The following ZNF577 variants were observed in gnomAD, a reference collection of about 807,000 sequenced individuals.
ZNF577 encodes the protein zinc finger protein 577.
In ZNF577, 14 loss-of-function variants were observed where a neutral mutation model predicts 13.9. The observed-to-expected ratio is 1.00, with a 90% confidence interval of 0.66 to 1.57. The LOEUF is 1.57. Ranked by LOEUF, ZNF577 falls within the 40% of genes most tolerant of loss-of-function variation. The probability of loss-of-function intolerance (pLI) is 0.00; values close to 1 mark genes in which losing one functional copy is unlikely to be tolerated. For synonymous variants in ZNF577, 203 were observed against 202.9 expected (o/e 1.00, Z 0.00); for missense variants, 555 against 579.2 (o/e 0.96, Z 0.43).
In ZNF577 at chr19:51,824,819, A is replaced by G. The variant is rs1402539234; in HGVS notation, c.*600-13145T>C. On this transcript the variant is annotated intron_variant and NMD_transcript_variant, in intron 9 of 10. Transcript: ENST00000638827. The surrounding 1 kb of genome is among the most constrained non-coding windows in gnomAD (Gnocchi z 4.7). ...AGTTACAAGCAATGTGAGGTCGGGG[A>G]TATTTTTGGGCTCTGTCTCTTTCTA... The G allele has an allele frequency of 6.3e-6, 10 of 1,595,324 alleles. No homozygotes were observed. Among genetic ancestry groups the G allele is most frequent in the East Asian group, 2.3e-5 (1 of 44,294 alleles).
At chr19:51,829,683 A>T (rs1020230447) in intron 9 of ZNF577, among the ~76,000 whole-genome samples, 3 of 152,236 alleles carry the variant, frequency 2.0e-5, no homozygotes, top group Non-Finnish European at 1.5e-5. Flanking sequence ...GTCAGAAAAG[A>T]TGATAAAATG....
intron 5 of ZNF577, among the ~76,000 whole-genome samples, chr19:51,848,986 TTTTTG>T (rs2084367665): frequency 6.6e-6 from 1 of 152,242 alleles, no homozygotes; most frequent in South Asian, 2.1e-4. Context: ...CTAAACCATT[TTTTTG>T]TTTTAATATT....
intron 10 of ZNF577, among the ~76,000 whole-genome samples, chr19:51,810,762 G>A (rs1379643327): frequency 2.0e-5 from 3 of 152,112 alleles, no homozygotes; most frequent in Non-Finnish European, 2.9e-5. Context: ...AAGGTCAACC[G>A]GCTCTGTATG....
At chr19:51,856,145 C>T (rs986240337) in intron 5 of ZNF577, among the ~76,000 whole-genome samples, 20 of 152,276 alleles carry the variant, frequency 1.3e-4, no homozygotes, top group East Asian at 1.2e-3. Context: ...AGGATGGATA[C>T]GCAGAGGCCT....
chr19:51,846,018 ATT>A (rs373565584), intron 5 of ZNF577, among the ~76,000 whole-genome samples: 5 of 143,834 alleles, frequency 3.5e-5, no homozygotes, highest in Admixed American at 6.9e-5. Flanking sequence ...TGGTGGTTCT[ATT>A]TTTTTTTTTT....
At chr19:51,832,236 G>T (rs1038472754) in intron 9 of ZNF577, among the ~76,000 whole-genome samples, 1 of 152,152 alleles carries the variant, frequency 6.6e-6, no homozygotes, top group Non-Finnish European at 1.5e-5. Context: ...AGCAGAGTTT[G>T]TTAAGCCTGA....
At chr19:51,857,426 G>GAAAGAA (rs1555745840) in intron 5 of ZNF577, among the ~76,000 whole-genome samples, 3,469 of 95,120 alleles carry the variant, frequency 0.036, 63 homozygotes, top group South Asian at 0.065. Context: ...AAGAAAGAAA[G>GAAAGAA]AAAAGAAAAA....
chr19:51,815,917 A>G (rs992111300), intron 9 of ZNF577, among the ~76,000 whole-genome samples: 1 of 151,910 alleles, frequency 6.6e-6, no homozygotes, highest in African/African-American at 2.4e-5. Context: ...AAGAAAAGAA[A>G]TTAGCCAGGC....
intron 4 of ZNF577, chr19:51,877,821 C>G (rs112717838): frequency 0.013 from 2,115 of 158,226 alleles, 46 homozygotes; most frequent in African/African-American, 0.048. Context: ...ATATTCATAG[C>G]AACATGATTC....
Position 51,872,455 on chromosome 19 carries a change from C to T in ZNF577, c.*77G>A. On this transcript the variant is annotated 3_prime_UTR_variant, in exon 6 of 6. Coordinates refer to ENST00000638348, the MANE Select transcript of ZNF577 (RefSeq NM_001370449.1). ...ACCACTGCCTCCACAGTGTTTCAGCCCTAAATGAGCTCTCTGGGATATAAT... is the reference window on the plus strand; with the variant it reads ...ACCACTGCCTCCACAGTGTTTCAGCTCTAAATGAGCTCTCTGGGATATAAT... 1 of 1,254,978 alleles carries T rather than the reference C, an allele frequency of 8.0e-7. No homozygotes were observed. The highest frequency in any genetic ancestry group is 1.1e-6 in the Non-Finnish European group (1 of 929,792). The allele number at this position is 1,254,978 out of a possible 1,614,324, so 77.7% of individuals were successfully genotyped here.
intron 5 of ZNF577, among the ~76,000 whole-genome samples, chr19:51,852,948 T>TTTTA (rs2084386745): frequency 2.0e-5 from 3 of 151,730 alleles, no homozygotes; most frequent in Admixed American, 6.6e-5. Flanking sequence ...TTTTTTTCTT[T>TTTTA]GAGACAGGGT....
At chr19:51,855,575 C>T (rs1568441477) in intron 5 of ZNF577, among the ~76,000 whole-genome samples, 1 of 152,058 alleles carries the variant, frequency 6.6e-6, no homozygotes, top group African/African-American at 2.4e-5. Flanking sequence ...AGGAATATGT[C>T]AGAGTATTTA....
intron 5 of ZNF577, among the ~76,000 whole-genome samples, chr19:51,876,874 GC>G (rs1200297607): frequency 2.7e-5 from 4 of 149,750 alleles, no homozygotes; most frequent in African/African-American, 9.9e-5. Context: ...GTTGCAGTGA[GC>G]CAAGATCACA....
At position 51,873,539 on chromosome 19, in the gene ZNF577, T is replaced by A. The variant is rs914784250; in HGVS notation, c.451A>T (p.Ile151Phe). ...TCATGTGGTTTCCCTCCTGCACAAA[T>A]TTTTTGTAGGTCATTGAGCTGTGAT... ...PKSQLNDLQK[I>F]CAGGKPHECS... Residue 151 changes from isoleucine (I) to phenylalanine (F), a missense_variant, in exon 6 of 6, where the codon ATT becomes TTT. Transcript: ENST00000638348. 6.2e-7 allele frequency: 1 copy of A among 1,614,214 alleles called. No individual in the cohort carries two copies. The highest frequency in any genetic ancestry group is 8.5e-7 in the Non-Finnish European group (1 of 1,180,034).
Position 51,867,755 on chromosome 19 carries a change from A to G in ZNF577, c.*4777T>C, listed in dbSNP as rs2084588704. ...ACCCACGATTACGCCACTGCACTCC[A>G]GCCTGGGCAAAAGAGCGAAACTCCA... On this transcript the variant is annotated 3_prime_UTR_variant, in exon 6 of 6. Transcript: ENST00000638348. Among the ~76,000 whole-genome samples, 1 of 152,164 alleles carries G rather than the reference A, an allele frequency of 6.6e-6. No individual in the cohort carries two copies.
rs761840519 is a variant in ZNF577, at chr19:51,824,062, T to C, written c.*600-12388A>G. The C allele has an allele frequency of 1.2e-6, 2 of 1,614,198 alleles. No homozygotes were observed. The highest frequency in any genetic ancestry group is 1.7e-6 in the Non-Finnish European group (2 of 1,180,010). On this transcript the variant is annotated intron_variant and NMD_transcript_variant, in intron 9 of 10. Transcript: ENST00000638827. The surrounding 1 kb of genome is among the most constrained non-coding windows in gnomAD (Gnocchi z 4.7). ...CTATGTAAGTTAGTTCATGTTATGA[T>C]AGACATCAACCTGTTTGTCAGTGTC...
chr19:51,844,050 CT>C (rs34391853), intron 6 of ZNF577, among the ~76,000 whole-genome samples: 46,992 of 127,022 alleles, frequency 0.37, 8,354 homozygotes, highest in Middle Eastern at 0.48. Context: ...AGCCACTACA[CT>C]TTTTTTTTTT....
At chr19:51,813,632 G>A (rs935964234) in intron 9 of ZNF577, among the ~76,000 whole-genome samples, 4 of 151,900 alleles carry the variant, frequency 2.6e-5, no homozygotes, top group East Asian at 1.9e-4. Context: ...CCGGGTTCAC[G>A]CCATTTTCCC....
At chr19:51,853,065 T>C (rs2084387526) in intron 5 of ZNF577, among the ~76,000 whole-genome samples, 1 of 151,882 alleles carries the variant, frequency 6.6e-6, no homozygotes, top group Admixed American at 6.6e-5. Flanking sequence ...GCCTCCAGAG[T>C]AGCAGGGATG....
Sources: gnomAD v4.1 joint callset for allele counts (sites outside exome capture counted in the v4.1 genomes callset) on GRCh38, gnomAD v4.1.1 for gene constraint, Gnocchi (gnomAD v3.1) non-coding constraint, MANE v1.5 for transcripts, NCBI Gene and HGNC (gene_info 2026-07-23, HGNC 2026-07-21) for gene names.